The following PRKCI variants were observed in gnomAD, a reference collection of about 807,000 sequenced individuals.
PRKCI encodes the protein protein kinase C iota.
Under a neutral mutation model 84.0 loss-of-function variants are expected in PRKCI, and 43 were observed. That is an observed-to-expected ratio of 0.51 (90% confidence interval 0.40 to 0.66). The LOEUF (loss-of-function observed/expected upper bound fraction) is 0.66, where lower values mean the gene tolerates loss of function less well. PRKCI is among the 30% of genes least tolerant of loss of function. The probability of loss-of-function intolerance (pLI) is 0.00; values close to 1 mark genes in which losing one functional copy is unlikely to be tolerated. For missense variants in PRKCI, 459 were observed against 745.6 expected (o/e 0.62, Z 4.48); for synonymous variants, 216 against 234.4 (o/e 0.92, Z 0.72).
intron 8 of PRKCI, among the ~76,000 whole-genome samples, chr3:170,279,047 T>C (rs147791025): frequency 1.3e-5 from 2 of 152,290 alleles, no homozygotes; most frequent in East Asian, 3.9e-4. Flanking sequence ...TTACTATTAT[T>C]GACAGGGTCT....
chr3:170,270,557 C>A lies in PRKCI; in HGVS notation c.587C>A (p.Pro196Gln). ...ATTGAATGTGGGCGGCATTCTTTGC[C>A]ACAGGTAAGATGTCTGTCCTTTTTT... ...VTIECGRHSL[P>Q]QEPVMPMDQS... The change falls in exon 6 of 18, where the codon CCA (proline) becomes CAA (glutamine). Residue 196 changes from proline (P) to glutamine (Q), a missense_variant. Pro to Gln is a moderately conservative substitution (Grantham distance 76). Around this residue, in one of 2 missense-constraint regions of PRKCI, gnomAD observed 250 missense variants for 319.7 expected, o/e 0.78. Coordinates refer to ENST00000295797, the MANE Select transcript of PRKCI (RefSeq NM_002740.6). 1 of 1,604,458 alleles carries A rather than the reference C, an allele frequency of 6.2e-7. No homozygotes were observed. The highest frequency in any genetic ancestry group is 2.2e-5 in the East Asian group (1 of 44,744).
chr3:170,265,798 G>C (rs1233287499), intron 4 of PRKCI, among the ~76,000 whole-genome samples: 1 of 151,574 alleles, frequency 6.6e-6, no homozygotes, highest in African/African-American at 2.4e-5. Context: ...TTTTAGTAGA[G>C]ATGGGGTTTT....
chr3:170,282,185 A>G (rs1214230593), intron 11 of PRKCI, among the ~76,000 whole-genome samples: 1 of 152,234 alleles, frequency 6.6e-6, no homozygotes, highest in African/African-American at 2.4e-5. Context: ...ATACACATGC[A>G]CACAGTGCTT....
chr3:170,248,374 G>A (rs566604496), intron 2 of PRKCI, among the ~76,000 whole-genome samples: 2 of 130,342 alleles, frequency 1.5e-5, no homozygotes, highest in African/African-American at 2.8e-5. Context: ...GATATATTGG[G>A]GGGGGGAAAA....
chr3:170,291,317 G>A (rs920733504), intron 12 of PRKCI, among the ~76,000 whole-genome samples: 3 of 152,148 alleles, frequency 2.0e-5, no homozygotes, highest in African/African-American at 7.2e-5. Context: ...TTAAATTCAA[G>A]TCGTACCTTA....
At chr3:170,283,842 C>G (rs1734312574) in intron 11 of PRKCI, among the ~76,000 whole-genome samples, 1 of 152,188 alleles carries the variant, frequency 6.6e-6, no homozygotes, top group South Asian at 2.1e-4. Flanking sequence ...TACATCAGCT[C>G]AGGCATTCCA....
At chr3:170,302,580 G>A (rs2108869765) in intron 17 of PRKCI, among the ~76,000 whole-genome samples, 1 of 152,226 alleles carries the variant, frequency 6.6e-6, no homozygotes, top group Admixed American at 6.5e-5. Context: ...TCTCCCTGCG[G>A]TGTTCTCTCC....
chr3:170,246,690 C>T lies in PRKCI; in HGVS notation c.223+11339C>T, dbSNP rs139118630. Among the ~76,000 whole-genome samples the T allele has an allele frequency of 7.9e-5, 12 of 152,206 alleles. No individual in the cohort carries two copies. In the East Asian group the frequency reaches 1.5e-3, roughly 20 times the overall value. On this transcript the variant is annotated intron_variant, in intron 2 of 17. Coordinates refer to ENST00000295797, the MANE Select transcript of PRKCI (RefSeq NM_002740.6). ...ATATAAATAAGAAAATTTACCAGTT[C>T]GACCACTCTTAAGTGTACAGTTCAG... is the stretch of plus-strand genomic sequence containing the variant.
intron 2 of PRKCI, among the ~76,000 whole-genome samples, chr3:170,250,635 ATATTT>A (rs1483488993): frequency 1.3e-5 from 2 of 152,130 alleles, no homozygotes; most frequent in African/African-American, 4.8e-5. Flanking sequence ...ATGGATATAC[ATATTT>A]TATTTATCCA....
chr3:170,246,945 G>T (rs566665345), intron 2 of PRKCI, among the ~76,000 whole-genome samples: 81 of 152,090 alleles, frequency 5.3e-4, no homozygotes, highest in Non-Finnish European at 9.9e-4. Flanking sequence ...ATAACTCCAG[G>T]TTGGAAGTTT....
In PRKCI at chr3:170,276,516, G is replaced by C. The variant is rs190525331; in HGVS notation, c.705+1229G>C. ...TTATTGCACAGGCACCCGTGCAGTGGTGCAATGATGGCTCACTACAGCCTC... is the reference window on the plus strand; with the variant it reads ...TTATTGCACAGGCACCCGTGCAGTGCTGCAATGATGGCTCACTACAGCCTC... On this transcript the variant is annotated intron_variant, in intron 8 of 17. Coordinates refer to ENST00000295797, the MANE Select transcript of PRKCI (RefSeq NM_002740.6). 9.6e-4 allele frequency among the ~76,000 whole-genome samples: 146 copies of C among 151,670 alleles called. 2 individuals are homozygous for C. The highest frequency in any genetic ancestry group is 3.4e-3 in the African/African-American group (142 of 41,296).
intron 2 of PRKCI, among the ~76,000 whole-genome samples, chr3:170,249,814 T>G (rs537366382): frequency 1.1e-4 from 16 of 147,564 alleles, no homozygotes; most frequent in African/African-American, 3.8e-4. Context: ...AAAAAAAAAA[T>G]GATACCAACT....
intron 16 of PRKCI, among the ~76,000 whole-genome samples, chr3:170,298,666 A>C (rs1467579364): frequency 2.6e-5 from 4 of 152,138 alleles, no homozygotes; most frequent in Admixed American, 2.0e-4. Context: ...TTGGCCTCCC[A>C]AAGTGATGGG....
At chr3:170,261,096 A>G (rs1272157125) in intron 3 of PRKCI, among the ~76,000 whole-genome samples, 1 of 150,044 alleles carries the variant, frequency 6.7e-6, no homozygotes. Context: ...AACTGAGACC[A>G]CAGGCACTGC....
chr3:170,223,460 A>G (rs1216137363), intron 1 of PRKCI, among the ~76,000 whole-genome samples: 1 of 152,198 alleles, frequency 6.6e-6, no homozygotes, highest in African/African-American at 2.4e-5. Context: ...GAGATACTGC[A>G]AGGTGAGGAG....
intron 1 of PRKCI, among the ~76,000 whole-genome samples, chr3:170,234,907 C>G (rs949518662): frequency 4.6e-5 from 7 of 151,760 alleles, no homozygotes; most frequent in African/African-American, 1.2e-4. Context: ...TGTTCCCCCC[C>G]TGAGAAGGAT....
At chr3:170,265,220 A>G (rs899056493) in intron 4 of PRKCI, among the ~76,000 whole-genome samples, 3 of 151,984 alleles carry the variant, frequency 2.0e-5, no homozygotes, top group African/African-American at 7.2e-5. Flanking sequence ...ACTGCACTCC[A>G]ATCTACGTGA....
intron 2 of PRKCI, among the ~76,000 whole-genome samples, chr3:170,238,655 G>A (rs767247816): frequency 2.1e-4 from 30 of 143,876 alleles, no homozygotes; most frequent in Non-Finnish European, 3.4e-4. Flanking sequence ...GCAGTGTCTC[G>A]ATCTCCGCCC....
chr3:170,236,646 G>A (rs111435064), intron 2 of PRKCI, among the ~76,000 whole-genome samples: 2,383 of 152,164 alleles, frequency 0.016, 76 homozygotes, highest in African/African-American at 0.055. Context: ...AGGATTGCTT[G>A]AGGCCAGGAG....
Sources: allele counts gnomAD v4.1 joint callset (sites outside exome capture counted in the v4.1 genomes callset), GRCh38; gene constraint gnomAD v4.1.1; regional missense constraint gnomAD v4.1.1; transcripts MANE v1.5; gene names NCBI Gene and HGNC (gene_info 2026-07-23, HGNC 2026-07-21).